BACH2: variants seen among roughly 807,000 people sequenced by gnomAD.
The protein encoded by BACH2 is transcription regulator protein BACH2.
In BACH2, 5 loss-of-function variants were observed where a neutral mutation model predicts 61.8. The ratio of observed to expected loss-of-function variants is 0.08; its 90% CI spans 0.04 to 0.17. The LOEUF is 0.17. BACH2 is among the 10% of genes least tolerant of loss of function. The pLI is 1.00. For synonymous variants in BACH2, 446 were observed against 440.1 expected (o/e 1.01, Z -0.17); for missense variants, 824 against 1,091.1 (o/e 0.76, Z 3.45).
At position 90,251,513 on chromosome 6, in the gene BACH2, C is replaced by T. The variant is rs148334399; in HGVS notation, c.-275+1000G>A. ...TACTCTGAAAACCATTAGTTTAGCA[C>T]ATACCCAGCACCTGCTTGACACATC... On this transcript the variant is annotated intron_variant, in intron 3 of 8. Coordinates refer to ENST00000257749, the MANE Select transcript of BACH2 (RefSeq NM_021813.4). Among the ~76,000 whole-genome samples the T allele has an allele frequency of 1.8e-3, 170 of 96,254 alleles. 1 individual carries two copies. The East Asian group carries it at 0.031, about 18-fold the overall frequency. 63.1% of individuals were successfully genotyped at this position (96,254 alleles called of 152,430 possible). A position where few individuals can be genotyped will look rare whatever the true frequency, so the allele number is the denominator to read the frequency against.
chr6:89,930,309 G>A lies in BACH2; in HGVS notation c.*2099C>T, dbSNP rs1772572455. 7.9e-6 allele frequency: 1 copy of A among 126,536 alleles called. No individual in the cohort carries two copies. Among genetic ancestry groups the A allele is most frequent in the African/African-American group, 3.0e-5 (1 of 32,926 alleles). 7.8% of individuals were successfully genotyped at this position (126,536 alleles called of 1,614,324 possible). A position where few individuals can be genotyped will look rare whatever the true frequency, so the allele number is the denominator to read the frequency against. ...GCATTCATACATATTTAAACATTTA[G>A]TGCTAATATTTGTACAGAAAAAAGT... On this transcript the variant is annotated 3_prime_UTR_variant, in exon 9 of 9. Coordinates refer to ENST00000257749, the MANE Select transcript of BACH2 (RefSeq NM_021813.4).
rs1468734287 is a variant in BACH2, at chr6:90,037,057, C to A, written c.-12-28201G>T. Among the ~76,000 whole-genome samples, 4 of 152,150 alleles carry A rather than the reference C, an allele frequency of 2.6e-5. No homozygotes were observed. In the East Asian group the frequency reaches 5.8e-4, roughly 22 times the overall value. On this transcript the variant is annotated intron_variant, in intron 5 of 8. Coordinates refer to ENST00000257749, the MANE Select transcript of BACH2 (RefSeq NM_021813.4). ...GCCAGTAACAACAAAATAATTATTC[C>A]ATTAAATTAGGAAAATACCTTCCAT...
chr6:90,251,183 T>C (rs1770796780), intron 3 of BACH2, among the ~76,000 whole-genome samples: 2 of 152,166 alleles, frequency 1.3e-5, no homozygotes, highest in Non-Finnish European at 2.9e-5. Context: ...TGATGATTTG[T>C]AACCCAACTT....
At chr6:89,999,799 A>C (rs1378422735) in intron 6 of BACH2, among the ~76,000 whole-genome samples, 1 of 152,240 alleles carries the variant, frequency 6.6e-6, no homozygotes. Flanking sequence ...ATTTTAAAAA[A>C]ATTGATGCAA....
intron 4 of BACH2, among the ~76,000 whole-genome samples, chr6:90,165,149 G>A (rs979589703): frequency 4.6e-5 from 7 of 152,164 alleles, no homozygotes; most frequent in Non-Finnish European, 5.9e-5. Flanking sequence ...TGACATGATT[G>A]TATATCTAGA....
At chr6:90,160,300 TA>T (rs1318249837) in intron 4 of BACH2, among the ~76,000 whole-genome samples, 24 of 152,200 alleles carry the variant, frequency 1.6e-4, no homozygotes, top group Non-Finnish European at 3.2e-4. Context: ...TTACTCTAAG[TA>T]AGCAAGGCGG....
At chr6:89,959,146 C>A (rs1456336160) in intron 6 of BACH2, among the ~76,000 whole-genome samples, 1 of 137,064 alleles carries the variant, frequency 7.3e-6, no homozygotes, top group Admixed American at 7.3e-5. Context: ...CACACACACA[C>A]AGTTACCTAT....
intron 4 of BACH2, among the ~76,000 whole-genome samples, chr6:90,195,982 T>C (rs1369298376): frequency 6.6e-6 from 1 of 152,200 alleles, no homozygotes; most frequent in Non-Finnish European, 1.5e-5. Flanking sequence ...AACATTTAAC[T>C]TATTCCTACC....
At chr6:90,153,361 C>G (rs1402858004) in intron 4 of BACH2, among the ~76,000 whole-genome samples, 1 of 152,080 alleles carries the variant, frequency 6.6e-6, no homozygotes, top group African/African-American at 2.4e-5. Flanking sequence ...TAAGAGTAAT[C>G]CTGCTTCTAA....
intron 5 of BACH2, among the ~76,000 whole-genome samples, chr6:90,013,694 G>C (rs1256135233): frequency 6.6e-6 from 1 of 151,636 alleles, no homozygotes; most frequent in African/African-American, 2.4e-5. Flanking sequence ...ATTTTTAGTA[G>C]AGACAGGGTT....
intron 6 of BACH2, among the ~76,000 whole-genome samples, chr6:90,006,285 G>T (rs1253782823): frequency 1.3e-5 from 2 of 152,174 alleles, no homozygotes; most frequent in Non-Finnish European, 1.5e-5. Flanking sequence ...GCTGTGCTGA[G>T]AATTTTTGTA....
At chr6:90,208,954 G>A (rs935186677) in intron 3 of BACH2, among the ~76,000 whole-genome samples, 1 of 151,364 alleles carries the variant, frequency 6.6e-6, no homozygotes, top group Non-Finnish European at 1.5e-5. Flanking sequence ...AACACAAGAA[G>A]GGAAAACTAA....
At chr6:89,941,445 C>T (rs952372438) in intron 7 of BACH2, among the ~76,000 whole-genome samples, 6 of 152,200 alleles carry the variant, frequency 3.9e-5, no homozygotes, top group South Asian at 2.1e-4. Context: ...AAAGCAAAAT[C>T]GCAGTAGGGC....
At chr6:90,213,580 G>A (rs1769429340) in intron 3 of BACH2, among the ~76,000 whole-genome samples, 1 of 152,140 alleles carries the variant, frequency 6.6e-6, no homozygotes, top group Non-Finnish European at 1.5e-5. Context: ...CCACCTCTCG[G>A]AATGTGATTT....
chr6:90,122,716 T>C (rs2127820276), intron 4 of BACH2, among the ~76,000 whole-genome samples: 1 of 152,298 alleles, frequency 6.6e-6, no homozygotes, highest in South Asian at 2.1e-4. Context: ...GAGAAAGTGT[T>C]GGCGAGGCCT....
intron 1 of BACH2, among the ~76,000 whole-genome samples, chr6:90,281,380 TA>T (rs1418855324): frequency 6.6e-6 from 1 of 152,208 alleles, no homozygotes; most frequent in Non-Finnish European, 1.5e-5. Context: ...CACACATATA[TA>T]AAAAACATAG....
At chr6:90,177,712 G>T (rs1768026719) in intron 4 of BACH2, among the ~76,000 whole-genome samples, 2 of 152,162 alleles carry the variant, frequency 1.3e-5, no homozygotes, top group African/African-American at 2.4e-5. Context: ...TTCTGGTTCT[G>T]CCACTGATTA....
chr6:90,031,620 T>TA (rs894459818), intron 5 of BACH2, among the ~76,000 whole-genome samples: 2 of 152,070 alleles, frequency 1.3e-5, no homozygotes, highest in Admixed American at 1.3e-4. Context: ...TCAAAGAGAA[T>TA]AAAATACTTA....
At chr6:90,197,366 A>G (rs1253251997) in intron 4 of BACH2, among the ~76,000 whole-genome samples, 1 of 152,238 alleles carries the variant, frequency 6.6e-6, no homozygotes, top group Non-Finnish European at 1.5e-5. Flanking sequence ...TTGTAAAATC[A>G]GGCAAAAATC....
Sources: allele counts gnomAD v4.1 joint callset (sites outside exome capture counted in the v4.1 genomes callset), GRCh38; gene constraint gnomAD v4.1.1; transcripts MANE v1.5; gene names NCBI Gene and HGNC (gene_info 2026-07-23, HGNC 2026-07-21).